The following YEATS2 variants were observed in gnomAD, a reference collection of about 807,000 sequenced individuals.
YEATS2 encodes the protein YEATS domain containing 2.
A neutral mutation model predicts 163.2 loss-of-function variants in YEATS2; 77 were observed. That is an observed-to-expected ratio of 0.47 (90% CI 0.39 to 0.57). The LOEUF is 0.57. Ranked by LOEUF, YEATS2 falls within the 20% of genes least tolerant of loss-of-function variation. YEATS2 has a pLI of 0.00. For synonymous variants in YEATS2, 631 were observed against 645.1 expected, an observed-to-expected ratio of 0.98 and a Z score of 0.33; for missense variants, 1,549 against 1,729.8, an observed-to-expected ratio of 0.90 and a Z score of 1.85.
At position 183,776,021 on chromosome 3, in the gene YEATS2, A is replaced by C; in HGVS notation, c.2475A>C (p.Gly825=). 6.2e-7 allele frequency: 1 copy of C among 1,612,698 alleles called. No homozygotes were observed. ...SGSGGGGSTG[G]GGGTAGGGTQ... ...GCGGTGGAGGCGGCAGCACAGGAGG[A>C]GGAGGAGGAACAGCAGGAGGAGGAA... Residue 825 remains glycine (G), a synonymous_variant, in exon 18 of 31, where the codon GGA becomes GGC. Transcript: ENST00000305135.
chr3:183,753,956 A>G (rs1337995830), intron 10 of YEATS2, among the ~76,000 whole-genome samples, 170 bp from the exon 11 acceptor site: 2 of 152,210 alleles, frequency 1.3e-5, no homozygotes, highest in African/African-American at 4.8e-5. Context: ...TTCTAAGCAT[A>G]TATATTTTTC....
At chr3:183,803,477 C>A in intron 26 of YEATS2, 142 bp downstream of exon 26, 1 of 832,492 alleles carries the variant, frequency 1.2e-6, no homozygotes, top group Non-Finnish European at 1.9e-6. Flanking sequence ...TTTTCAAAGA[C>A]CTGTATCCAG....
intron 7 of YEATS2, among the ~76,000 whole-genome samples, chr3:183,736,364 A>G (rs969460373): frequency 3.3e-5 from 5 of 152,088 alleles, no homozygotes; most frequent in Non-Finnish European, 7.4e-5. Context: ...TAGGGAGCAT[A>G]CCTCATGGCC....
chr3:183,774,766 G>C (rs1410061390), intron 17 of YEATS2, among the ~76,000 whole-genome samples: 1 of 152,222 alleles, frequency 6.6e-6, no homozygotes, highest in East Asian at 1.9e-4. Flanking sequence ...CCAAAATGCA[G>C]TGTGTCAGCT....
intron 1 of YEATS2, among the ~76,000 whole-genome samples, chr3:183,709,524 G>A (rs1308956848): frequency 1.3e-5 from 2 of 151,774 alleles, no homozygotes; most frequent in Non-Finnish European, 2.9e-5. Context: ...TAGTAGAGAT[G>A]GGGTTTCACC....
intron 10 of YEATS2, among the ~76,000 whole-genome samples, chr3:183,753,671 C>G (rs1438430668): frequency 6.6e-6 from 1 of 152,124 alleles, no homozygotes; most frequent in Non-Finnish European, 1.5e-5. Context: ...TTGCTTGAAC[C>G]CGGGAGGTGG....
At chr3:183,699,044 G>A (rs1340121009) in intron 1 of YEATS2, among the ~76,000 whole-genome samples, 2 of 152,192 alleles carry the variant, frequency 1.3e-5, no homozygotes, top group African/African-American at 4.8e-5. Context: ...CTGCTATGTA[G>A]AGGAAGAGGG....
At chr3:183,795,632 C>G (rs765280104) in intron 21 of YEATS2, among the ~76,000 whole-genome samples, 27 of 151,714 alleles carry the variant, frequency 1.8e-4, no homozygotes, top group Admixed American at 7.2e-4. Context: ...CTGAGATAAA[C>G]ATTAATAAAA....
chr3:183,713,898 C>T (rs1451723724), intron 1 of YEATS2, among the ~76,000 whole-genome samples: 4 of 151,982 alleles, frequency 2.6e-5, no homozygotes, highest in East Asian at 2.0e-4. Flanking sequence ...CGCTGCCTCC[C>T]GGGTTCAAGC....
Position 183,773,793 on chromosome 3 carries a change from T to A in YEATS2, c.2367T>A (p.Ala789=). The change falls in exon 17 of 31, where the codon GCT becomes GCA. Residue 789 remains alanine, a splice_region_variant and synonymous_variant. Transcript: ENST00000305135. ...QGAILRATNN[A]NLQSGSAASG... ...CCATCCTGCGAGCTACGAACAATGCTAGTTAGTGAAACCATTGGGTTGAAT... is the reference window on the plus strand; with the variant it reads ...CCATCCTGCGAGCTACGAACAATGCAAGTTAGTGAAACCATTGGGTTGAAT... 1 of 1,601,514 alleles carries A rather than the reference T, an allele frequency of 6.2e-7. No homozygotes were observed. The highest frequency in any genetic ancestry group is 2.2e-5 in the East Asian group (1 of 44,502).
At chr3:183,809,403 A>G (rs1024965924) in intron 30 of YEATS2, 31 of 461,460 alleles carry the variant, frequency 6.7e-5, no homozygotes, top group Non-Finnish European at 1.1e-4. Context: ...TCATTACTTC[A>G]CAGACACCTA....
At chr3:183,788,621 C>T (rs780343317) in intron 20 of YEATS2, among the ~76,000 whole-genome samples, 1 of 152,170 alleles carries the variant, frequency 6.6e-6, no homozygotes, top group South Asian at 2.1e-4. Context: ...GAAGTGCAGA[C>T]GTCTCCTCAT....
At chr3:183,732,557 A>G (rs1444095252) in intron 7 of YEATS2, among the ~76,000 whole-genome samples, 1 of 151,568 alleles carries the variant, frequency 6.6e-6, no homozygotes, top group Non-Finnish European at 1.5e-5. Flanking sequence ...TTTATTTTTT[A>G]TTTTTATTTT....
intron 8 of YEATS2, among the ~76,000 whole-genome samples, chr3:183,740,510 A>G (rs1180349307): frequency 6.6e-6 from 1 of 152,238 alleles, no homozygotes; most frequent in Non-Finnish European, 1.5e-5. Context: ...ATTTGGAGAA[A>G]GTCTCAGTGA....
chr3:183,798,941 G>T lies in YEATS2; in HGVS notation c.3277G>T (p.Ala1093Ser). The T allele has an allele frequency of 6.2e-7, 1 of 1,614,078 alleles. No individual in the cohort carries two copies. Among genetic ancestry groups the T allele is most frequent in the Non-Finnish European group, 8.5e-7 (1 of 1,180,002 alleles). ...SKPPAILPVA[A>S]PTPVVPSSAP... ...GCCACCTGCCATTCTGCCTGTAGCTGCCCCAACTCCAGTTGTCCCCAGCTC... is the reference window on the plus strand; with the variant it reads ...GCCACCTGCCATTCTGCCTGTAGCTTCCCCAACTCCAGTTGTCCCCAGCTC... The change falls in exon 23 of 31, where the codon GCC (alanine) becomes TCC (serine). Residue 1093 changes from alanine to serine, a missense_variant. Transcript: ENST00000305135.
intron 19 of YEATS2, among the ~76,000 whole-genome samples, chr3:183,783,399 T>G (rs1447555172): frequency 1.3e-5 from 2 of 152,238 alleles, no homozygotes; most frequent in South Asian, 4.1e-4. Context: ...TGCTGCTGTT[T>G]TTTATAATTT....
intron 4 of YEATS2, among the ~76,000 whole-genome samples, chr3:183,720,736 C>A (rs778029045): frequency 1.3e-5 from 2 of 152,072 alleles, no homozygotes; most frequent in Non-Finnish European, 2.9e-5. Flanking sequence ...TGTAAAAGGA[C>A]GGGTTTATTA....
intron 19 of YEATS2, among the ~76,000 whole-genome samples, chr3:183,781,842 A>G (rs1005992750): frequency 6.6e-6 from 1 of 152,096 alleles, no homozygotes; most frequent in Admixed American, 6.6e-5. Context: ...AGTTGAGGCT[A>G]CAGTGAGCCA....
chr3:183,809,038 G>A (rs1257458590), intron 29 of YEATS2, 59 bp from the exon 30 acceptor site: 3 of 1,570,782 alleles, frequency 1.9e-6, no homozygotes, highest in Non-Finnish European at 2.6e-6. Context: ...GGTTAAATGT[G>A]TCCCTTCTTG....
Sources: allele counts gnomAD v4.1 joint callset (sites outside exome capture counted in the v4.1 genomes callset), GRCh38; gene constraint gnomAD v4.1.1; transcripts MANE v1.5; gene names NCBI Gene and HGNC (gene_info 2026-07-23, HGNC 2026-07-21).